Variants in ATG7 observed in about 807,000 individuals in gnomAD.
The protein encoded by ATG7 is ubiquitin-like modifier-activating enzyme ATG7.
Under a neutral mutation model 82.4 loss-of-function variants are expected in ATG7, and 70 were observed. That is an observed-to-expected ratio of 0.85 (90% CI 0.70 to 1.04). The LOEUF (loss-of-function observed/expected upper bound fraction) is 1.04, where lower values mean the gene tolerates loss of function less well. Ranked by LOEUF, ATG7 falls within the 50% of genes least tolerant of loss-of-function variation. ATG7 has a pLI of 0.00. For missense variants in ATG7, 792 were observed against 864.3 expected (o/e 0.92, Z 1.05); for synonymous variants, 287 against 313.0 (o/e 0.92, Z 0.88).
chr3:11,442,965 C>T lies in ATG7; in HGVS notation c.2079+16039C>T, dbSNP rs1331174347. Among the ~76,000 whole-genome samples the T allele has an allele frequency of 2.6e-5, 4 of 151,988 alleles. No individual in the cohort carries two copies. The East Asian group carries it at 5.8e-4, about 22-fold the overall frequency. On this transcript the variant is annotated intron_variant, in intron 20 of 20. Transcript: ENST00000693202. ...GGAAAAACAACTATTTGATTTTAGT[C>T]AGGGTGTAAGAATATGTATTATTGT...
At chr3:11,387,083 C>G (rs1490275502) in intron 19 of ATG7, among the ~76,000 whole-genome samples, 1 of 152,196 alleles carries the variant, frequency 6.6e-6, no homozygotes, top group Non-Finnish European at 1.5e-5. Context: ...ACTCCTGGGA[C>G]TGGTGTTGAC....
rs188612429 is a variant in ATG7 at position 11,450,040 on chromosome 3, G to A, written c.2079+23114G>A. ...AGCTCCCTTCCAAATCTTACAGGGT[G>A]GTCTGTTTCTTCTTTGGATAATAAT... On this transcript the variant is annotated intron_variant, in intron 20 of 20. Coordinates refer to ENST00000693202, the MANE Select transcript of ATG7 (RefSeq NM_001349232.2). 2.0e-3 allele frequency among the ~76,000 whole-genome samples: 303 copies of A among 152,270 alleles called. 1 individual carries two copies. Among genetic ancestry groups the A allele is most frequent in the African/African-American group, 6.7e-3 (277 of 41,550 alleles).
rs569641328 is a variant in ATG7, at chr3:11,338,794, T to C, written c.890-1851T>C. 7.2e-5 allele frequency among the ~76,000 whole-genome samples: 11 copies of C among 152,344 alleles called. 1 individual carries two copies. In the South Asian group the frequency reaches 1.2e-3, roughly 17 times the overall value. On this transcript the variant is annotated intron_variant, in intron 11 of 20. Transcript: ENST00000693202. ...ACCCTCAGCCAAACTGGGGCCCAACTAGCTTTCAAGGATAATTGGTCCTAT... is the reference window on the plus strand; with the variant it reads ...ACCCTCAGCCAAACTGGGGCCCAACCAGCTTTCAAGGATAATTGGTCCTAT...
At chr3:11,462,370 G>A (rs1198037401) in intron 20 of ATG7, among the ~76,000 whole-genome samples, 3 of 152,110 alleles carry the variant, frequency 2.0e-5, no homozygotes, top group African/African-American at 7.2e-5. Flanking sequence ...CTAGAGGCAG[G>A]AGACATGGCA....
intron 20 of ATG7, among the ~76,000 whole-genome samples, chr3:11,445,431 G>A (rs2084449280): frequency 6.6e-6 from 1 of 152,164 alleles, no homozygotes; most frequent in South Asian, 2.1e-4. Context: ...TCATCGAGGA[G>A]CAGAAAACCT....
intron 20 of ATG7, among the ~76,000 whole-genome samples, chr3:11,484,902 C>T (rs2089451634): frequency 6.6e-6 from 1 of 152,088 alleles, no homozygotes; most frequent in South Asian, 2.1e-4. Flanking sequence ...CATAGTATTC[C>T]ATGGTGTATA....
At chr3:11,413,834 A>G (rs2081135647) in intron 19 of ATG7, among the ~76,000 whole-genome samples, 1 of 152,230 alleles carries the variant, frequency 6.6e-6, no homozygotes, top group Non-Finnish European at 1.5e-5. Flanking sequence ...GATAGAACTC[A>G]CCAGTGGAAC....
chr3:11,563,617 A>G, the ATG7 span, among the ~76,000 whole-genome samples: 2 of 152,212 alleles, frequency 1.3e-5, no homozygotes, highest in African/African-American at 4.8e-5. Context: ...CGTTGAAATG[A>G]ACAGCAGTGA....
chr3:11,495,261 T>C (rs745747603), intron 20 of ATG7, among the ~76,000 whole-genome samples: 2 of 152,044 alleles, frequency 1.3e-5, no homozygotes, highest in Non-Finnish European at 2.9e-5. Context: ...GAATTAAGGA[T>C]CATGGGATGA....
At chr3:11,329,133 A>G (rs539369177) in intron 9 of ATG7, among the ~76,000 whole-genome samples, 1 of 152,328 alleles carries the variant, frequency 6.6e-6, no homozygotes, top group African/African-American at 2.4e-5. Context: ...CAGTATTTAT[A>G]GCATGATCCC....
chr3:11,292,238 TTTTCTTTC>T (rs1245171074), intron 3 of ATG7, among the ~76,000 whole-genome samples: 1 of 151,896 alleles, frequency 6.6e-6, no homozygotes, highest in Non-Finnish European at 1.5e-5. Flanking sequence ...GAATTTATTT[TTTTCTTTC>T]TTTCTTTCTT....
At chr3:11,411,343 G>A (rs994846976) in intron 19 of ATG7, among the ~76,000 whole-genome samples, 3 of 151,920 alleles carry the variant, frequency 2.0e-5, no homozygotes, top group African/African-American at 7.3e-5. Flanking sequence ...TTTCTTATCA[G>A]GGCTGGGCAC....
At chr3:11,567,455 C>T in the ATG7 span, among the ~76,000 whole-genome samples, 1 of 151,980 alleles carries the variant, frequency 6.6e-6, no homozygotes, top group Non-Finnish European at 1.5e-5. Context: ...AATGTTCAGC[C>T]CATTAAGACA....
intron 20 of ATG7, among the ~76,000 whole-genome samples, chr3:11,511,653 C>G (rs2092064269): frequency 2.0e-5 from 3 of 152,190 alleles, no homozygotes; most frequent in East Asian, 3.9e-4. Context: ...GGGGGTGGTG[C>G]TCGTCGGGGA....
chr3:11,466,943 A>G (rs754364524), intron 20 of ATG7, among the ~76,000 whole-genome samples: 1 of 152,162 alleles, frequency 6.6e-6, no homozygotes, highest in Non-Finnish European at 1.5e-5. Flanking sequence ...CAGCCTGACT[A>G]ACATGGTGAA....
At chr3:11,401,633 T>C (rs964527514) in intron 19 of ATG7, among the ~76,000 whole-genome samples, 1 of 152,318 alleles carries the variant, frequency 6.6e-6, no homozygotes, top group Non-Finnish European at 1.5e-5. Flanking sequence ...CAGAATGCCA[T>C]AGAATCCTTC....
At chr3:11,384,695 C>T (rs566855374) in intron 19 of ATG7, among the ~76,000 whole-genome samples, 1 of 152,298 alleles carries the variant, frequency 6.6e-6, no homozygotes, top group South Asian at 2.1e-4. Context: ...CATGGTGGCT[C>T]ACACCTGTAA....
intron 1 of ATG7, among the ~76,000 whole-genome samples, chr3:11,274,777 G>A (rs564701504): frequency 1.3e-5 from 2 of 152,056 alleles, no homozygotes; most frequent in South Asian, 2.1e-4. Flanking sequence ...AAAACTGTAC[G>A]AGGTGATATG....
At chr3:11,362,763 G>T (rs1278463727) in intron 16 of ATG7, 50 bp from the exon 17 acceptor site, 1 of 1,484,460 alleles carries the variant, frequency 6.7e-7, no homozygotes, top group South Asian at 1.2e-5. Context: ...GACAGCTAGA[G>T]TTGAATGGAG....
Sources: gnomAD v4.1 joint callset for allele counts (sites outside exome capture counted in the v4.1 genomes callset) on GRCh38, gnomAD v4.1.1 for gene constraint, MANE v1.5 for transcripts, NCBI Gene and HGNC (gene_info 2026-07-23, HGNC 2026-07-21) for gene names.